The following PAPSS1 variants were observed in gnomAD, a reference collection of about 807,000 sequenced individuals.
The protein encoded by PAPSS1 is bifunctional 3'-phosphoadenosine 5'-phosphosulfate synthase 1.
PAPSS1 carries 50 observed loss-of-function variants against 72.0 expected under a neutral mutation model. That is an observed-to-expected ratio of 0.69 (90% confidence interval 0.55 to 0.88). The LOEUF (loss-of-function observed/expected upper bound fraction) is 0.88. PAPSS1 is among the 40% of genes least tolerant of loss of function. The probability of loss-of-function intolerance (pLI) is 0.00; values close to 1 mark genes in which losing one functional copy is unlikely to be tolerated. For synonymous variants in PAPSS1, 261 were observed against 263.6 expected (o/e 0.99, Z 0.09); for missense variants, 657 against 782.2 (o/e 0.84, Z 1.91).
At chr4:107,633,788 G>A (rs1463616732) in intron 10 of PAPSS1, among the ~76,000 whole-genome samples, 3 of 151,912 alleles carry the variant, frequency 2.0e-5, no homozygotes, top group African/African-American at 7.3e-5. Context: ...GTGTGGTGGC[G>A]GGTGTCTGTA....
intron 11 of PAPSS1, 67 bp from the exon 12 acceptor site, chr4:107,614,454 G>T: frequency 8.1e-7 from 1 of 1,231,558 alleles, no homozygotes; most frequent in Non-Finnish European, 1.2e-6. Context: ...AAAAGCATTT[G>T]TTCCTTCTGT....
chr4:107,704,859 G>A (rs553739846), intron 1 of PAPSS1, among the ~76,000 whole-genome samples: 2 of 152,074 alleles, frequency 1.3e-5, no homozygotes, highest in South Asian at 4.2e-4. Context: ...GCTGAGGCAG[G>A]AGAATTGCTT....
At chr4:107,624,430 T>C (rs1446653401) in intron 11 of PAPSS1, among the ~76,000 whole-genome samples, 2 of 152,212 alleles carry the variant, frequency 1.3e-5, no homozygotes, top group African/African-American at 4.8e-5. Flanking sequence ...TATCTGCCTG[T>C]TTCCAACTAT....
At chr4:107,621,608 CTTTTTTTTTTTTTTTTT>C (rs10670438) in intron 11 of PAPSS1, among the ~76,000 whole-genome samples, 1 of 48,148 alleles carries the variant, frequency 2.1e-5, no homozygotes, top group Non-Finnish European at 3.9e-5. Context: ...GGTTTTTTAT[CTTTTTTTTTTTTTTTTT>C]TTTTTTTTTT....
rs776737317 is a variant in PAPSS1, at chr4:107,701,335, GGCAAACACATATTCCTT to G, written c.61-67_61-51del. Reference sequence around the variant, plus strand: ...TCTAGTTTACATGAGTCCTTTAAAAGGCAAACACATATTCCTTGCAAACACACAAAAGTCTATGTAAC... The same window carrying G: ...TCTAGTTTACATGAGTCCTTTAAAAGGCAAACACACAAAAGTCTATGTAAC... On this transcript the variant is annotated intron_variant, in intron 1 of 11. Transcript: ENST00000265174. The G allele has an allele frequency of 3.5e-6, 4 of 1,131,958 alleles. No individual in the cohort carries two copies. The East Asian group carries it at 9.4e-5, about 27-fold the overall frequency. The allele number at this position is 1,131,958 out of a possible 1,614,324, so 70.1% of individuals were successfully genotyped here. A position where few individuals can be genotyped will look rare whatever the true frequency, so the allele number is the denominator to read the frequency against.
intron 9 of PAPSS1, among the ~76,000 whole-genome samples, chr4:107,652,912 C>A (rs1471967512): frequency 1.3e-5 from 2 of 152,024 alleles, no homozygotes; most frequent in African/African-American, 4.8e-5. Flanking sequence ...TTGTTTAAAT[C>A]ATGGTCGTGT....
chr4:107,683,198 C>T (rs1722681631), intron 4 of PAPSS1, among the ~76,000 whole-genome samples: 1 of 152,050 alleles, frequency 6.6e-6, no homozygotes, highest in South Asian at 2.1e-4. Context: ...TTAAAAAATA[C>T]AGCTAGCAAA....
Position 107,644,785 on chromosome 4 carries a change from T to C in PAPSS1, c.1506+17A>G. 1 of 1,590,856 alleles carries C rather than the reference T, an allele frequency of 6.3e-7. No homozygotes were observed. The highest frequency in any genetic ancestry group is 1.3e-5 in the African/African-American group (1 of 74,580). ...GGCTTTAACACTGCTGCAGTGAAAA[T>C]CTTACAAGCAGTCTACCTCAGTTGG... On this transcript the variant is annotated intron_variant, in intron 10 of 11. Transcript: ENST00000265174.
intron 11 of PAPSS1, among the ~76,000 whole-genome samples, chr4:107,626,884 G>C (rs1286695200): frequency 2.0e-5 from 3 of 152,130 alleles, no homozygotes; most frequent in African/African-American, 7.2e-5. Flanking sequence ...AACTAAGGCA[G>C]TTTTAAAGCT....
chr4:107,629,437 T>C (rs1167704004), intron 11 of PAPSS1, among the ~76,000 whole-genome samples: 4 of 152,182 alleles, frequency 2.6e-5, no homozygotes, highest in Non-Finnish European at 4.4e-5. Context: ...GCCAACACCA[T>C]AGACATCTCA....
At position 107,660,009 on chromosome 4, in the gene PAPSS1, G is replaced by T; in HGVS notation, c.733C>A (p.His245Asn). The T allele has an allele frequency of 2.5e-6, 4 of 1,608,554 alleles. No individual in the cohort carries two copies. Among genetic ancestry groups the T allele is most frequent in the Non-Finnish European group, 3.4e-6 (4 of 1,177,174 alleles). Residue 245 changes from histidine to asparagine, a missense_variant, in exon 6 of 12, where the codon CAT becomes AAT. Physicochemically the swap from His to Asn is moderately conservative, Grantham distance 68. Transcript: ENST00000265174. ...GTTTCCGCATCTGTTTTTGCCAAATGAAGTTTATTTTCTGGCACATATAGT... is the reference window on the plus strand; with the variant it reads ...GTTTCCGCATCTGTTTTTGCCAAATTAAGTTTATTTTCTGGCACATATAGT... The part of the protein sequence containing the change: ...KELYVPENKL[H>N]LAKTDAETLP...
At chr4:107,614,476 A>G in intron 11 of PAPSS1, 89 bp from the exon 12 acceptor site, 1 of 930,106 alleles carries the variant, frequency 1.1e-6, no homozygotes, top group Non-Finnish European at 1.6e-6. Context: ...CATATTAGAC[A>G]AACTTAATGA....
intron 1 of PAPSS1, among the ~76,000 whole-genome samples, chr4:107,703,898 T>C (rs1157732849): frequency 6.6e-6 from 1 of 152,204 alleles, no homozygotes; most frequent in Non-Finnish European, 1.5e-5. Flanking sequence ...ATCCTTGGAA[T>C]TTTTATAGGG....
chr4:107,627,635 T>C (rs1390674578), intron 11 of PAPSS1, among the ~76,000 whole-genome samples: 1 of 152,198 alleles, frequency 6.6e-6, no homozygotes, highest in Non-Finnish European at 1.5e-5. Flanking sequence ...CTCAAAACTT[T>C]TTTACTTCCC....
At chr4:107,623,072 T>A (rs1323325918) in intron 11 of PAPSS1, among the ~76,000 whole-genome samples, 1 of 152,226 alleles carries the variant, frequency 6.6e-6, no homozygotes, top group Non-Finnish European at 1.5e-5. Context: ...CCCACCCATA[T>A]GATACTGATA....
chr4:107,636,239 T>C lies in PAPSS1; in HGVS notation c.1507-4379A>G, dbSNP rs529499901. On this transcript the variant is annotated intron_variant, in intron 10 of 11. Transcript: ENST00000265174. ...AACTCAAAGATCCTTCAATTGGGTG[T>C]TGTTATTGAATTAAATTCCTAAACA... 1.1e-4 allele frequency among the ~76,000 whole-genome samples: 16 copies of C among 152,354 alleles called. No individual in the cohort carries two copies. The East Asian group carries it at 3.1e-3, about 29-fold the overall frequency.
intron 5 of PAPSS1, among the ~76,000 whole-genome samples, chr4:107,664,490 C>T (rs1727265163): frequency 6.6e-6 from 1 of 152,150 alleles, no homozygotes; most frequent in Non-Finnish European, 1.5e-5. Context: ...ATGCTCCAGG[C>T]ACAGGGCTGG....
intron 4 of PAPSS1, among the ~76,000 whole-genome samples, chr4:107,686,076 A>G (rs1235614729): frequency 6.6e-6 from 1 of 152,220 alleles, no homozygotes; most frequent in Non-Finnish European, 1.5e-5. Flanking sequence ...AGGGATGTCT[A>G]CAAGATAAAT....
At chr4:107,693,294 T>C (rs1722989248) in intron 3 of PAPSS1, among the ~76,000 whole-genome samples, 1 of 152,112 alleles carries the variant, frequency 6.6e-6, no homozygotes, top group African/African-American at 2.4e-5. Context: ...AGAAATGACA[T>C]AATTTTTTCA....
Sources: gnomAD v4.1 joint callset for allele counts (sites outside exome capture counted in the v4.1 genomes callset) on GRCh38, gnomAD v4.1.1 for gene constraint, MANE v1.5 for transcripts, NCBI Gene and HGNC (gene_info 2026-07-23, HGNC 2026-07-21) for gene names.